Variants in TTC19 observed in about 807,000 individuals in gnomAD.
TTC19 encodes the protein tetratricopeptide repeat domain 19, also known as tetratricopeptide repeat protein 19, mitochondrial.
TTC19 carries 38 observed loss-of-function variants against 49.5 expected under a neutral mutation model. The observed-to-expected ratio is 0.77, with a 90% CI of 0.59 to 1.01. The LOEUF (loss-of-function observed/expected upper bound fraction) is 1.01, where lower values mean the gene tolerates loss of function less well. TTC19 is among the 50% of genes least tolerant of loss of function. The pLI, the probability that TTC19 is intolerant of heterozygous loss-of-function variation, is 0.00. For missense variants in TTC19, 475 were observed against 477.7 expected (o/e 0.99, Z 0.05); for synonymous variants, 204 against 185.2 (o/e 1.10, Z -0.83).
chr17:16,021,467 T>C (rs1597465064), intron 7 of TTC19, among the ~76,000 whole-genome samples: 1 of 152,230 alleles, frequency 6.6e-6, no homozygotes, highest in Non-Finnish European at 1.5e-5. Context: ...TAGTAAGCAC[T>C]ACCCAGTAAG....
downstream of TTC19, among the ~76,000 whole-genome samples, chr17:16,033,739 A>G (rs375473060): frequency 1.3e-5 from 2 of 152,240 alleles, no homozygotes; most frequent in East Asian, 1.9e-4. Context: ...ATAGAAAATA[A>G]TAAGTATCCT....
At chr17:16,031,960 C>T (rs1972084654), downstream of TTC19, 1 of 303,864 alleles carries the variant, frequency 3.3e-6, no homozygotes, top group Non-Finnish European at 6.0e-6. Context: ...GCAAAAAGGT[C>T]ATCTATTTAC....
chr17:16,020,579 A>G (rs1367308667), intron 7 of TTC19, among the ~76,000 whole-genome samples: 1 of 152,120 alleles, frequency 6.6e-6, no homozygotes, highest in Non-Finnish European at 1.5e-5. Flanking sequence ...TCATAGATTC[A>G]TGGGGTGCTA....
rs575284730 is a variant in TTC19 at position 16,009,874 on chromosome 17, G to A, written c.676+3306G>A. 2.0e-4 allele frequency among the ~76,000 whole-genome samples: 31 copies of A among 152,224 alleles called. 1 individual carries two copies. Among genetic ancestry groups the A allele is most frequent in the South Asian group, 6.2e-4 (3 of 4,830 alleles). ...AAGTGAAAACTTTGGTTACAAAACAGTATAGTTAGTATGTAGACTAAAAAT... is the reference window on the plus strand; with the variant it reads ...AAGTGAAAACTTTGGTTACAAAACAATATAGTTAGTATGTAGACTAAAAAT... On this transcript the variant is annotated intron_variant, in intron 7 of 9. Transcript: ENST00000261647.
At chr17:16,026,886 G>A (rs903141005) in intron 9 of TTC19, 184 bp downstream of exon 9, 44 of 708,200 alleles carry the variant, frequency 6.2e-5, no homozygotes, top group African/African-American at 3.0e-4. Flanking sequence ...TTCAATTCAC[G>A]TAACTTCTAC....
At chr17:16,002,101 T>C (rs1319428710) in intron 3 of TTC19, 76 bp downstream of exon 3, 15 of 971,100 alleles carry the variant, frequency 1.5e-5, no homozygotes, top group Non-Finnish European at 1.6e-6. Context: ...TCTTCTGATT[T>C]ATATTCCTGA....
downstream of TTC19, chr17:16,032,162 T>G: frequency 1.1e-6 from 1 of 876,486 alleles, no homozygotes; most frequent in Non-Finnish European, 1.6e-6. Context: ...TTCTTCATCA[T>G]CTGTGGGCTG....
chr17:16,032,314 C>T (rs753843382), downstream of TTC19: 33 of 1,613,066 alleles, frequency 2.0e-5, no homozygotes, highest in African/African-American at 2.7e-5. Flanking sequence ...CACTATCCGA[C>T]AGGGTCTCGT....
At position 16,012,829 on chromosome 17, in the gene TTC19, C is replaced by T. The variant is rs535219203; in HGVS notation, c.676+6261C>T. On this transcript the variant is annotated intron_variant, in intron 7 of 9. Coordinates refer to ENST00000261647, the MANE Select transcript of TTC19 (RefSeq NM_017775.4). Reference sequence around the variant, plus strand: ...CTGGGATTACAGGCATGAGCCACCACGCTAGGCCTATTTGCTTTTCTTTCA... The same window carrying T: ...CTGGGATTACAGGCATGAGCCACCATGCTAGGCCTATTTGCTTTTCTTTCA... Among the ~76,000 whole-genome samples, 341 of 152,254 alleles carry T rather than the reference C, an allele frequency of 2.2e-3. 3 individuals carry two copies. Among genetic ancestry groups the T allele is most frequent in the African/African-American group, 7.6e-3 (315 of 41,564 alleles).
At position 16,041,788 on chromosome 17, in the gene TTC19, G is replaced by C. The variant is rs530382372; in HGVS notation, c.248-2715G>C. Among the ~76,000 whole-genome samples, 21 of 151,934 alleles carry C rather than the reference G, an allele frequency of 1.4e-4. No individual in the cohort carries two copies. The South Asian group carries it at 1.5e-3, about 11-fold the overall frequency. ...GTCTCACTCTGCCGCCCAGGCTGGA[G>C]TGCAGCGGTGCGATCTTGGCTCACT... On this transcript the variant is annotated intron_variant, in intron 2 of 2. Transcript: ENST00000470649.
Position 16,026,613 on chromosome 17 carries a change from T to C in TTC19, c.905T>C (p.Met302Thr), listed in dbSNP as rs1207757999. The change falls in exon 9 of 10, where the codon ATG (methionine) becomes ACG (threonine). Residue 302 changes from methionine to threonine, a missense_variant. Physicochemically the swap from Met to Thr is moderately conservative, Grantham distance 81. Transcript: ENST00000261647. ...QGRFDEAYIY[M>T]QRASDLARQI... ...CGCTTTGATGAGGCCTATATTTATA[T>C]GCAAAGGGCATCAGATCTGGCAAGA... is the stretch of plus-strand genomic sequence containing the variant. The C allele has an allele frequency of 1.2e-6, 2 of 1,614,042 alleles. No homozygotes were observed. Among genetic ancestry groups the C allele is most frequent in the Non-Finnish European group, 1.7e-6 (2 of 1,180,004 alleles).
intron 2 of TTC19, chr17:16,039,071 C>T (rs777395625): frequency 1.0e-5 from 2 of 198,724 alleles, no homozygotes; most frequent in Non-Finnish European, 2.1e-5. Context: ...ACCCGGCTGG[C>T]TTATGTTTCT....
rs1226842567 is a variant in TTC19 at position 16,027,414 on chromosome 17, G to A, written c.1035G>A (p.Leu345=). The A allele has an allele frequency of 1.2e-6, 2 of 1,613,988 alleles. No homozygotes were observed. Among genetic ancestry groups the A allele is most frequent in the Non-Finnish European group, 1.7e-6 (2 of 1,179,978 alleles). The change falls in exon 10 of 10, where the codon CTG becomes CTA. Residue 345 remains leucine (L), a synonymous_variant. Coordinates refer to ENST00000261647, the MANE Select transcript of TTC19 (RefSeq NM_017775.4). ...CAAAAGAGATCTACCAGGAAGCACT[G>A]AAGCAAGCAAAGCTGAAAAAAGATG... is the stretch of plus-strand genomic sequence containing the variant. ...TQAKEIYQEA[L]KQAKLKKDEI...
At chr17:16,001,798 G>A in intron 2 of TTC19, 117 bp from the exon 3 acceptor site, 1 of 735,044 alleles carries the variant, frequency 1.4e-6, no homozygotes, top group Non-Finnish European at 2.4e-6. Flanking sequence ...GTAAATGTCT[G>A]ATGAATGAGT....
In TTC19 at chr17:15,999,984, C is replaced by G; in HGVS notation, c.136C>G (p.Arg46Gly). 1.1e-5 allele frequency: 14 copies of G among 1,275,030 alleles called. No homozygotes were observed. The highest frequency in any genetic ancestry group is 1.2e-5 in the Non-Finnish European group (12 of 1,013,292). 79.0% of individuals were successfully genotyped at this position (1,275,030 alleles called of 1,614,324 possible). ...GCCCGAGGTGCAGGTGCCGCCATCC[C>G]GAGTCGCGCCGCACGGCCGGGGCCC... ...PGPEVQVPPS[R>G]VAPHGRGPGL... Residue 46 changes from arginine to glycine, a missense_variant, in exon 1 of 10, where the codon CGA becomes GGA. Transcript: ENST00000261647.
At chr17:16,002,174 T>TTTTTG (rs1410382631) in intron 3 of TTC19, 149 bp downstream of exon 3, 7 of 708,834 alleles carry the variant, frequency 9.9e-6, no homozygotes, top group South Asian at 3.2e-5. Flanking sequence ...TCAGTTTCAT[T>TTTTTG]TTTTGTTTTG....
exon 3 of TTC19, chr17:16,044,991 G>T: frequency 1.0e-4 from 39 of 376,480 alleles, no homozygotes; most frequent in East Asian, 2.1e-4. Flanking sequence ...ATACAAAGCT[G>T]AACTTAAGAA....
chr17:16,033,336 CAAA>C (rs59285422), downstream of TTC19, among the ~76,000 whole-genome samples: 6 of 57,430 alleles, frequency 1.0e-4, no homozygotes, highest in African/African-American at 2.3e-4. Context: ...ACTCCGTCTC[CAAA>C]AAAAAAAAAA....
intron 7 of TTC19, among the ~76,000 whole-genome samples, chr17:16,007,684 A>G (rs924131650): frequency 1.3e-5 from 2 of 152,214 alleles, no homozygotes; most frequent in Admixed American, 1.3e-4. Flanking sequence ...ACTTGGGTAC[A>G]CTGGACAAAG....
Sources: gnomAD v4.1 joint callset for allele counts (sites outside exome capture counted in the v4.1 genomes callset) on GRCh38, gnomAD v4.1.1 for gene constraint, MANE v1.5 for transcripts, NCBI Gene and HGNC (gene_info 2026-07-23, HGNC 2026-07-21) for gene names.